MAGI2: variants seen among roughly 807,000 people sequenced by gnomAD.
MAGI2 encodes membrane-associated guanylate kinase, WW and PDZ domain-containing protein 2.
In MAGI2, 35 loss-of-function variants were observed where a neutral mutation model predicts 133.3. That is an observed-to-expected ratio of 0.26 (90% CI 0.20 to 0.35). The LOEUF (loss-of-function observed/expected upper bound fraction) is 0.35. Ranked by LOEUF, MAGI2 falls within the 10% of genes least tolerant of loss-of-function variation. The pLI, the probability that MAGI2 is intolerant of heterozygous loss-of-function variation, is 1.00. For synonymous variants in MAGI2, 729 were observed against 710.6 expected, an observed-to-expected ratio of 1.03 and a Z score of -0.41; for missense variants, 1,636 against 1,863.4, an observed-to-expected ratio of 0.88 and a Z score of 2.25.
intron 1 of MAGI2, among the ~76,000 whole-genome samples, chr7:79,345,765 T>C (rs1841267767): frequency 6.6e-6 from 1 of 152,134 alleles, no homozygotes; most frequent in Non-Finnish European, 1.5e-5. Context: ...TTCTGTGTGA[T>C]AGTAACAGCT....
chr7:79,214,407 C>CTATATATATATATATATATA (rs1196193501), intron 1 of MAGI2, among the ~76,000 whole-genome samples: 1 of 17,718 alleles, frequency 5.6e-5, no homozygotes, highest in Non-Finnish European at 9.4e-5. Context: ...CTCTCTCTCT[C>CTATATATATATATATATATA]TATATATATA....
intron 2 of MAGI2, among the ~76,000 whole-genome samples, chr7:78,932,165 T>C (rs1311769751): frequency 2.6e-5 from 4 of 152,108 alleles, no homozygotes; most frequent in Non-Finnish European, 4.4e-5. Flanking sequence ...GCAGGCCTGA[T>C]ACACCAATGT....
At chr7:78,366,463 A>T (rs1377409711) in intron 7 of MAGI2, among the ~76,000 whole-genome samples, 1 of 152,166 alleles carries the variant, frequency 6.6e-6, no homozygotes, top group Non-Finnish European at 1.5e-5. Flanking sequence ...AATAACCTCT[A>T]TGTTTACATA....
intron 6 of MAGI2, among the ~76,000 whole-genome samples, chr7:78,463,077 C>A (rs1228379533): frequency 1.3e-5 from 2 of 152,198 alleles, no homozygotes; most frequent in African/African-American, 4.8e-5. Context: ...TGGGGCCCAC[C>A]TTGAACCTTT....
Position 78,967,413 on chromosome 7 carries a change from G to T in MAGI2, c.418+39677C>A, listed in dbSNP as rs550950369. 1.4e-4 allele frequency among the ~76,000 whole-genome samples: 22 copies of T among 151,968 alleles called. 1 individual carries two copies. The South Asian group carries it at 4.4e-3, about 30-fold the overall frequency. On this transcript the variant is annotated intron_variant, in intron 2 of 21. Transcript: ENST00000354212. Reference sequence around the variant, plus strand: ...TCATTCCCTAGGAGGTCTTTTTATTGTGTCAATTGTTCCCTTTGGTGTGAT... The same window carrying T: ...TCATTCCCTAGGAGGTCTTTTTATTTTGTCAATTGTTCCCTTTGGTGTGAT...
At chr7:78,906,855 C>T (rs1798029880) in intron 2 of MAGI2, among the ~76,000 whole-genome samples, 1 of 133,762 alleles carries the variant, frequency 7.5e-6, no homozygotes. Flanking sequence ...CATATCTATA[C>T]ATATGCACAT....
intron 3 of MAGI2, chr7:78,617,664 C>G (rs187245072): frequency 1.7e-4 from 26 of 152,122 alleles, no homozygotes; most frequent in Admixed American, 8.5e-4. Context: ...AAATTTTAAT[C>G]AAGCTGCTCA....
At chr7:78,426,358 C>CA (rs1562976970) in intron 6 of MAGI2, among the ~76,000 whole-genome samples, 1 of 151,766 alleles carries the variant, frequency 6.6e-6, no homozygotes, top group South Asian at 2.1e-4. Flanking sequence ...ATCGCAAGAA[C>CA]AAAAAACCAA....
chr7:79,308,486 A>G (rs1837998688), intron 1 of MAGI2, among the ~76,000 whole-genome samples: 1 of 152,126 alleles, frequency 6.6e-6, no homozygotes, highest in Non-Finnish European at 1.5e-5. Flanking sequence ...TGGCCCAAAT[A>G]CTAATTTGTC....
chr7:78,298,028 A>T (rs1391729903), intron 9 of MAGI2, among the ~76,000 whole-genome samples: 1 of 152,124 alleles, frequency 6.6e-6, no homozygotes, highest in Non-Finnish European at 1.5e-5. Flanking sequence ...GATTAACATT[A>T]ACAAGCAATG....
chr7:78,087,780 C>G (rs1206026850), intron 20 of MAGI2, among the ~76,000 whole-genome samples: 1 of 152,146 alleles, frequency 6.6e-6, no homozygotes, highest in Non-Finnish European at 1.5e-5. Flanking sequence ...AATCCAAACC[C>G]TAAACTAATA....
At chr7:78,973,693 A>C (rs1307103210) in intron 2 of MAGI2, among the ~76,000 whole-genome samples, 1 of 151,816 alleles carries the variant, frequency 6.6e-6, no homozygotes, top group Non-Finnish European at 1.5e-5. Context: ...CTGCGGAGAA[A>C]AGCACCAGAA....
chr7:78,640,265 T>C (rs1271047973), intron 2 of MAGI2, among the ~76,000 whole-genome samples: 1 of 151,836 alleles, frequency 6.6e-6, no homozygotes, highest in Non-Finnish European at 1.5e-5. Context: ...CATAAAACTA[T>C]CAGAATAAAA....
At chr7:78,282,610 C>A (rs115131979) in intron 9 of MAGI2, among the ~76,000 whole-genome samples, 1 of 152,072 alleles carries the variant, frequency 6.6e-6, no homozygotes, top group Non-Finnish European at 1.5e-5. Flanking sequence ...AAAAGACTTT[C>A]TGAATATGTA....
intron 2 of MAGI2, among the ~76,000 whole-genome samples, chr7:78,847,676 T>G (rs1420749287): frequency 6.6e-6 from 1 of 152,056 alleles, no homozygotes; most frequent in Non-Finnish European, 1.5e-5. Flanking sequence ...TGATCTTATC[T>G]ATCTACATCA....
chr7:78,817,756 T>C (rs1789729764), intron 2 of MAGI2, among the ~76,000 whole-genome samples: 1 of 151,898 alleles, frequency 6.6e-6, no homozygotes. Flanking sequence ...GTAGCCCAGG[T>C]TGGAGTGCTG....
chr7:79,079,965 G>A (rs1815898022), intron 1 of MAGI2, among the ~76,000 whole-genome samples: 1 of 152,020 alleles, frequency 6.6e-6, no homozygotes, highest in Non-Finnish European at 1.5e-5. Flanking sequence ...GTTTTGGAAG[G>A]AGAAAAGAGT....
At chr7:78,809,167 T>A (rs973622078) in intron 2 of MAGI2, among the ~76,000 whole-genome samples, 2 of 152,208 alleles carry the variant, frequency 1.3e-5, no homozygotes, top group Non-Finnish European at 1.5e-5. Flanking sequence ...TCTGGTCACA[T>A]CACTGACTCC....
intron 10 of MAGI2, among the ~76,000 whole-genome samples, chr7:78,241,346 C>A (rs1005868239): frequency 2.0e-5 from 3 of 152,142 alleles, no homozygotes; most frequent in Admixed American, 2.0e-4. Flanking sequence ...AGAATTCTGT[C>A]TCTTTCATGC....
Sources: allele counts gnomAD v4.1 joint callset (sites outside exome capture counted in the v4.1 genomes callset), GRCh38; gene constraint gnomAD v4.1.1; transcripts MANE v1.5; gene names NCBI Gene and HGNC (gene_info 2026-07-23, HGNC 2026-07-21).